The following ABHD16A variants were observed in gnomAD, a reference collection of about 807,000 sequenced individuals.
The protein encoded by ABHD16A is phosphatidylserine lipase ABHD16A.
ABHD16A carries 47 observed loss-of-function variants against 89.8 expected under a neutral mutation model. The observed-to-expected ratio is 0.52, with a 90% CI of 0.41 to 0.67. ABHD16A has a LOEUF of 0.67. Among genes scored for constraint, ABHD16A ranks in the 30% least tolerant of loss-of-function variants. ABHD16A has a pLI of 0.00. For synonymous variants in ABHD16A, 251 were observed against 280.4 expected (o/e 0.90, Z 1.05); for missense variants, 580 against 734.6 (o/e 0.79, Z 2.43).
In ABHD16A at chr6:31,701,023, A is replaced by G. The variant is rs566450633; in HGVS notation, c.262T>C (p.Leu88=). ...AFFYLYRKGY[L]SLSKVVPFSH... is the part of the protein sequence containing the mutation. ...AACGGCACCACTTTGGACAAACTCA[A>G]GTAACCTGGGAAGGGAGAGGGACAA... Residue 88 remains leucine, a synonymous_variant, in exon 4 of 20, where the codon TTG becomes CTG. Transcript: ENST00000395952. The G allele has an allele frequency of 5.6e-6, 9 of 1,613,238 alleles. No individual in the cohort carries two copies. Among genetic ancestry groups the G allele is most frequent in the Non-Finnish European group, 5.9e-6 (7 of 1,179,306 alleles).
In ABHD16A at chr6:31,690,508, C is replaced by A; in HGVS notation, c.907+31G>T. 6.2e-7 allele frequency: 1 copy of A among 1,610,522 alleles called. No individual in the cohort carries two copies. The highest frequency in any genetic ancestry group is 1.3e-5 in the African/African-American group (1 of 74,942). On this transcript the variant is annotated intron_variant, in intron 10 of 19. Coordinates refer to ENST00000395952, the MANE Select transcript of ABHD16A (RefSeq NM_021160.3). The surrounding 1 kb of genome is among the most constrained non-coding windows in gnomAD (Gnocchi z 4.1). ...GGCAGGGACATTCCCTTTCAAAGGG[C>A]GGAGATAAGGAGGCTGAGTCACCGT...
At chr6:31,701,954 G>T in intron 2 of ABHD16A, 120 bp downstream of exon 2, 2 of 1,064,894 alleles carry the variant, frequency 1.9e-6, no homozygotes, top group African/African-American at 1.6e-5. Context: ...GAGGTCTGCT[G>T]CAGAGCCCAG....
chr6:31,687,771 G>C lies in ABHD16A; in HGVS notation c.1448-31C>G, dbSNP rs1803446433. The C allele has an allele frequency of 6.2e-7, 1 of 1,612,674 alleles. No homozygotes were observed. Among genetic ancestry groups the C allele is most frequent in the Non-Finnish European group, 8.5e-7 (1 of 1,179,896 alleles). On this transcript the variant is annotated intron_variant, in intron 17 of 19. Transcript: ENST00000395952. This position sits in a 1 kb window ranked among gnomAD's most constrained non-coding sequence, Gnocchi z 6.3. The stretch of plus-strand genomic sequence containing the variant: ...CAGGGAGAGAGATGACAGCCAGTCA[G>C]CAACCTGACCTTGCTGGGCCCCCGC...
chr6:31,701,420 T>G, intron 2 of ABHD16A, 80 bp from the exon 3 acceptor site: 1 of 1,225,926 alleles, frequency 8.2e-7, no homozygotes, highest in Non-Finnish European at 1.2e-6. Flanking sequence ...CTATACACTC[T>G]GAGCAAGATG....
At chr6:31,692,002 A>G in intron 7 of ABHD16A, 84 bp from the exon 8 acceptor site, 1 of 1,061,748 alleles carries the variant, frequency 9.4e-7, no homozygotes, top group Non-Finnish European at 1.4e-6. Context: ...TAGCACTCAC[A>G]GACTGTAAGG....
rs1803387558 is a variant in ABHD16A at position 31,687,317 on chromosome 6, G to A, written c.1594-22C>T. ...GAGCCTGAGGAAAGGAGGTGGGACA[G>A]GTGGGGTACAGAGCACTGTTGGGAG... is the stretch of plus-strand genomic sequence containing the variant. On this transcript the variant is annotated intron_variant, in intron 19 of 19. Coordinates refer to ENST00000395952, the MANE Select transcript of ABHD16A (RefSeq NM_021160.3). The surrounding 1 kb of genome is among the most constrained non-coding windows in gnomAD (Gnocchi z 6.3). 8.1e-6 allele frequency: 13 copies of A among 1,611,860 alleles called. No homozygotes were observed. The highest frequency in any genetic ancestry group is 1.1e-5 in the Non-Finnish European group (13 of 1,179,190).
At chr6:31,701,656 C>T (rs796695349) in intron 2 of ABHD16A, among the ~76,000 whole-genome samples, 3 of 152,254 alleles carry the variant, frequency 2.0e-5, no homozygotes, top group African/African-American at 7.2e-5. Context: ...TTAATCAAGC[C>T]TTTTCAATTG....
chr6:31,689,073 C>G lies in ABHD16A; in HGVS notation c.1128G>C (p.Leu376=), dbSNP rs774899370. The change falls in exon 13 of 20, where the codon CTG becomes CTC. Residue 376 remains leucine, a synonymous_variant. Transcript: ENST00000395952. ...MSYPDVSAMI[L]DASFDDLVPL... The stretch of plus-strand genomic sequence containing the variant: ...GCACCAGGTCATCAAAGGAGGCATC[C>G]AGGATCATGGCACTAACATCTGGGT... 6.2e-7 allele frequency: 1 copy of G among 1,614,024 alleles called. No homozygotes were observed. Among genetic ancestry groups the G allele is most frequent in the South Asian group, 1.1e-5 (1 of 91,070 alleles).
At chr6:31,702,921 C>T (rs1805170173) in intron 1 of ABHD16A, 1 of 1,297,332 alleles carries the variant, frequency 7.7e-7, no homozygotes, top group East Asian at 3.1e-5. Flanking sequence ...GAGGAAAGAA[C>T]AAAGAGTGGC....
Position 31,701,358 on chromosome 6 carries a change from G to C in ABHD16A, c.190-18C>G. The C allele has an allele frequency of 6.3e-7, 1 of 1,583,250 alleles. No individual in the cohort carries two copies. Among genetic ancestry groups the C allele is most frequent in the Non-Finnish European group, 8.6e-7 (1 of 1,164,898 alleles). On this transcript the variant is annotated intron_variant, in intron 2 of 19. Transcript: ENST00000395952. ...ACTGAAGCCTGCAGCAGAGAGACAG[G>C]GACAGGCAATCAATACACACACACA...
intron 1 of ABHD16A, chr6:31,702,735 A>G (rs1476009773): frequency 6.5e-7 from 1 of 1,541,030 alleles, no homozygotes; most frequent in African/African-American, 1.4e-5. Flanking sequence ...AGGCGAGGGT[A>G]AAGGGAAGAT....
chr6:31,701,625 C>T (rs1805014178), intron 2 of ABHD16A, among the ~76,000 whole-genome samples: 1 of 152,156 alleles, frequency 6.6e-6, no homozygotes, highest in Non-Finnish European at 1.5e-5. Flanking sequence ...CATTTAAAGG[C>T]AGTCTCTCTG....
intron 5 of ABHD16A, among the ~76,000 whole-genome samples, chr6:31,694,638 G>A (rs922448496): frequency 5.3e-5 from 8 of 151,912 alleles, no homozygotes; most frequent in South Asian, 2.1e-4. Flanking sequence ...TGATCCACCC[G>A]CCTCGGCCTT....
intron 5 of ABHD16A, among the ~76,000 whole-genome samples, chr6:31,695,122 G>C (rs1804267335): frequency 6.6e-6 from 1 of 152,204 alleles, no homozygotes; most frequent in Non-Finnish European, 1.5e-5. Flanking sequence ...AGCCAGGAAT[G>C]TGATGATGGT....
Position 31,700,951 on chromosome 6 carries a change from A to T in ABHD16A, c.334T>A (p.Cys112Ser). The T allele has an allele frequency of 6.2e-7, 1 of 1,613,954 alleles. No homozygotes were observed. The highest frequency in any genetic ancestry group is 1.1e-5 in the South Asian group (1 of 91,060). ...TLLLLLAGVA[C>S]LRGIGRWTNP... is the part of the protein sequence containing the mutation. ...TTTCCTCTCCACCTACCTCGGAGGCAGGCCACACCTGCCAGAAGTAGCAGC... is the reference window on the plus strand; with the variant it reads ...TTTCCTCTCCACCTACCTCGGAGGCTGGCCACACCTGCCAGAAGTAGCAGC... Residue 112 changes from cysteine to serine, a missense_variant, in exon 4 of 20, where the codon TGC (cysteine) becomes AGC (serine). Physicochemically the swap from Cys to Ser is moderately radical, Grantham distance 112. Transcript: ENST00000395952.
Position 31,687,286 on chromosome 6 carries a change from G to T in ABHD16A, c.1603C>A (p.His535Asn). 6.2e-7 allele frequency: 1 copy of T among 1,612,958 alleles called. No individual in the cohort carries two copies. The highest frequency in any genetic ancestry group is 8.5e-7 in the Non-Finnish European group (1 of 1,179,978). The stretch of plus-strand genomic sequence containing the variant: ...TGAGTGGCCTCAAAGTTGTGCAGAT[G>T]CTTCCGAGCCTGAGGAAAGGAGGTG... ...RQLALFLARK[H>N]LHNFEATHCT... is the part of the protein sequence containing the mutation. Residue 535 changes from histidine to asparagine, a missense_variant, in exon 20 of 20, where the codon CAT (histidine) becomes AAT (asparagine). This residue lies in a region of ABHD16A where 415 missense variants were observed against 568.8 expected (regional missense o/e 0.73). Coordinates refer to ENST00000395952, the MANE Select transcript of ABHD16A (RefSeq NM_021160.3). The surrounding 1 kb of genome is among the most constrained non-coding windows in gnomAD (Gnocchi z 6.3).
In ABHD16A at chr6:31,701,302, G is replaced by C; in HGVS notation, c.228C>G (p.Pro76=). 1 of 1,613,746 alleles carries C rather than the reference G, an allele frequency of 6.2e-7. No homozygotes were observed. Among genetic ancestry groups the C allele is most frequent in the South Asian group, 1.1e-5 (1 of 91,056 alleles). ...TCCTGTACAAGTAGAAGAAGGCGAA[G>C]GGAGAGGAGTAATAAGAGATGGACC... ...VFWSISYYSS[P]FAFFYLYRKG... The change falls in exon 3 of 20, where the codon CCC becomes CCG. Residue 76 remains proline (P), a synonymous_variant. Transcript: ENST00000395952.
intron 5 of ABHD16A, among the ~76,000 whole-genome samples, chr6:31,696,428 T>C (rs1378348679): frequency 1.3e-5 from 2 of 150,390 alleles, no homozygotes; most frequent in Non-Finnish European, 3.0e-5. Context: ...AGGTCATGAG[T>C]TGGAGACCAG....
Position 31,700,972 on chromosome 6 carries a change from G to A in ABHD16A, c.313C>T (p.Leu105=), listed in dbSNP as rs747015143. The A allele has an allele frequency of 3.7e-6, 6 of 1,613,970 alleles. No homozygotes were observed. Among genetic ancestry groups the A allele is most frequent in the South Asian group, 1.1e-5 (1 of 91,062 alleles). Residue 105 remains leucine, a synonymous_variant, in exon 4 of 20, where the codon CTA becomes TTA. Coordinates refer to ENST00000395952, the MANE Select transcript of ABHD16A (RefSeq NM_021160.3). ...PFSHYAGTLL[L]LLAGVACLRG... ...AGGCAGGCCACACCTGCCAGAAGTA[G>A]CAGCAATGTCCCAGCATAGTGAGAA...
Sources: gnomAD v4.1 joint callset for allele counts (sites outside exome capture counted in the v4.1 genomes callset) on GRCh38, gnomAD v4.1.1 for gene constraint, gnomAD v4.1.1 regional missense constraint, Gnocchi (gnomAD v3.1) non-coding constraint, MANE v1.5 for transcripts, NCBI Gene and HGNC (gene_info 2026-07-23, HGNC 2026-07-21) for gene names.